LRP1B: variants seen among roughly 807,000 people sequenced by gnomAD.
The protein encoded by LRP1B is LDL receptor related protein 1B, also known as low-density lipoprotein receptor-related protein 1B.
Under a neutral mutation model 556.6 loss-of-function variants are expected in LRP1B, and 217 were observed. The ratio of observed to expected loss-of-function variants is 0.39; its 90% CI spans 0.35 to 0.44. The LOEUF is 0.44. Among genes scored for constraint, LRP1B ranks in the 20% least tolerant of loss-of-function variants. The pLI, the probability that LRP1B is intolerant of heterozygous loss-of-function variation, is 1.00. For synonymous variants in LRP1B, 2,047 were observed against 1,865.8 expected, an observed-to-expected ratio of 1.10 and a Z score of -2.50; for missense variants, 5,053 against 5,620.8, an observed-to-expected ratio of 0.90 and a Z score of 3.23.
Position 140,834,497 on chromosome 2 carries a change from C to T in LRP1B, c.5209+5494G>A, listed in dbSNP as rs537248594. Among the ~76,000 whole-genome samples, 6 of 152,316 alleles carry T rather than the reference C, an allele frequency of 3.9e-5. No homozygotes were observed. The South Asian group carries it at 1.2e-3, about 32-fold the overall frequency. ...TCGTGATCTGCACACCTTGGCCTCC[C>T]AAAGTGCTGGGATTACAAGCGTGAG... On this transcript the variant is annotated intron_variant, in intron 31 of 90. Coordinates refer to ENST00000389484, the MANE Select transcript of LRP1B (RefSeq NM_018557.3).
chr2:140,546,394 A>G (rs1680340657), intron 43 of LRP1B, among the ~76,000 whole-genome samples: 1 of 151,996 alleles, frequency 6.6e-6, no homozygotes, highest in South Asian at 2.1e-4. Flanking sequence ...CATACCTGAG[A>G]CTGGGTAACT....
At chr2:141,101,501 G>A (rs570783254) in intron 7 of LRP1B, among the ~76,000 whole-genome samples, 1 of 151,980 alleles carries the variant, frequency 6.6e-6, no homozygotes, top group African/African-American at 2.4e-5. Flanking sequence ...ATTAATAAGA[G>A]AATAAAAGGG....
chr2:141,886,222 T>C (rs1699105118), intron 1 of LRP1B, among the ~76,000 whole-genome samples: 1 of 152,130 alleles, frequency 6.6e-6, no homozygotes, highest in African/African-American at 2.4e-5. Flanking sequence ...AAAGGTTAAG[T>C]GGGTAGGACT....
intron 2 of LRP1B, among the ~76,000 whole-genome samples, chr2:141,706,009 A>G (rs1175102981): frequency 2.6e-5 from 4 of 152,030 alleles, no homozygotes; most frequent in Non-Finnish European, 4.4e-5. Flanking sequence ...TTTCTGTTTA[A>G]ATAGAACACG....
At chr2:142,106,128 T>G (rs1706738791) in intron 1 of LRP1B, among the ~76,000 whole-genome samples, 1 of 152,202 alleles carries the variant, frequency 6.6e-6, no homozygotes, top group South Asian at 2.1e-4. Context: ...TTTTTCAAAG[T>G]ACAATTTTAT....
intron 62 of LRP1B, among the ~76,000 whole-genome samples, chr2:140,452,703 A>G (rs1413570980): frequency 6.6e-6 from 1 of 152,086 alleles, no homozygotes; most frequent in Non-Finnish European, 1.5e-5. Context: ...TAGCAATCCA[A>G]AGCCTTGTTC....
At chr2:140,731,434 G>T (rs746971777) in intron 35 of LRP1B, among the ~76,000 whole-genome samples, 28 of 152,126 alleles carry the variant, frequency 1.8e-4, no homozygotes, top group Non-Finnish European at 4.1e-4. Flanking sequence ...GCAAAGAAGA[G>T]TAAAAGAAGA....
intron 3 of LRP1B, among the ~76,000 whole-genome samples, chr2:141,364,546 T>G (rs970335971): frequency 1.3e-5 from 2 of 152,220 alleles, no homozygotes; most frequent in African/African-American, 4.8e-5. Context: ...CAAGTCAGCT[T>G]CTTCCACTTA....
intron 86 of LRP1B, among the ~76,000 whole-genome samples, chr2:140,268,343 C>A (rs1262311914): frequency 4.6e-5 from 7 of 151,920 alleles, no homozygotes; most frequent in Non-Finnish European, 7.4e-5. Flanking sequence ...AGGTGATCTG[C>A]AAGACTTTCC....
intron 6 of LRP1B, among the ~76,000 whole-genome samples, chr2:141,221,200 G>C (rs964417230): frequency 1.3e-5 from 2 of 151,648 alleles, no homozygotes; most frequent in Admixed American, 6.6e-5. Flanking sequence ...ATAAAGGGAT[G>C]GAGGAAAATT....
intron 7 of LRP1B, among the ~76,000 whole-genome samples, chr2:141,146,920 C>T (rs1375607865): frequency 6.6e-6 from 1 of 152,156 alleles, no homozygotes; most frequent in African/African-American, 2.4e-5. Flanking sequence ...ACCACTGTTA[C>T]AAGAAAGATC....
intron 41 of LRP1B, among the ~76,000 whole-genome samples, chr2:140,640,050 T>A (rs913062400): frequency 1.3e-5 from 2 of 152,178 alleles, no homozygotes; most frequent in African/African-American, 4.8e-5. Context: ...TCGCCCAGGC[T>A]GGAGTGCAGT....
At chr2:140,793,007 A>T (rs1050368910) in intron 32 of LRP1B, among the ~76,000 whole-genome samples, 2 of 152,102 alleles carry the variant, frequency 1.3e-5, no homozygotes, top group Non-Finnish European at 2.9e-5. Context: ...AGCATACAGT[A>T]TAGTAGTACG....
At chr2:141,211,313 A>T (rs546630740) in intron 6 of LRP1B, among the ~76,000 whole-genome samples, 95 of 145,800 alleles carry the variant, frequency 6.5e-4, no homozygotes, top group African/African-American at 1.3e-3. Flanking sequence ...TTAAAAAAAA[A>T]AAACAAAACA....
At chr2:140,330,642 C>T (rs144658488) in intron 79 of LRP1B, among the ~76,000 whole-genome samples, 2 of 152,034 alleles carry the variant, frequency 1.3e-5, no homozygotes, top group Non-Finnish European at 1.5e-5. Flanking sequence ...CTTGGAAATA[C>T]CATTCAGGTC....
intron 2 of LRP1B, among the ~76,000 whole-genome samples, chr2:141,484,088 T>C (rs1240078093): frequency 6.6e-6 from 1 of 152,174 alleles, no homozygotes; most frequent in Non-Finnish European, 1.5e-5. Flanking sequence ...AGGGTTTTTA[T>C]GGTTTTAGGT....
intron 1 of LRP1B, among the ~76,000 whole-genome samples, chr2:142,117,140 C>T (rs534090429): frequency 7.2e-5 from 11 of 152,186 alleles, no homozygotes; most frequent in South Asian, 2.1e-4. Flanking sequence ...CTGAAATCTC[C>T]GCTTAGCATT....
chr2:141,820,976 A>G (rs1553469215), intron 1 of LRP1B, among the ~76,000 whole-genome samples: 1 of 152,206 alleles, frequency 6.6e-6, no homozygotes, highest in Non-Finnish European at 1.5e-5. Context: ...AGATTATCCT[A>G]GTGGGCCCAA....
intron 1 of LRP1B, among the ~76,000 whole-genome samples, chr2:142,016,757 C>T (rs993916818): frequency 2.6e-5 from 4 of 151,614 alleles, no homozygotes; most frequent in Non-Finnish European, 5.9e-5. Context: ...AGCAAACCAC[C>T]ATGGCACGTG....
Sources: gnomAD v4.1 joint callset for allele counts (sites outside exome capture counted in the v4.1 genomes callset) on GRCh38, gnomAD v4.1.1 for gene constraint, MANE v1.5 for transcripts, NCBI Gene and HGNC (gene_info 2026-07-23, HGNC 2026-07-21) for gene names.